Variants in MED13L observed in about 807,000 individuals in gnomAD.
MED13L encodes the protein mediator complex subunit 13L.
In MED13L, 7 loss-of-function variants were observed where a neutral mutation model predicts 220.9. That is an observed-to-expected ratio of 0.03 (90% CI 0.02 to 0.06). The LOEUF is 0.06. Ranked by LOEUF, MED13L falls within the 10% of genes least tolerant of loss-of-function variation. The pLI is 1.00. For missense variants in MED13L, 1,965 were observed against 2,760.5 expected (o/e 0.71, Z 6.46); for synonymous variants, 1,011 against 1,015.2 (o/e 1.00, Z 0.08).
intron 4 of MED13L, among the ~76,000 whole-genome samples, chr12:116,032,844 T>C (rs1037461154): frequency 6.6e-6 from 1 of 151,954 alleles, no homozygotes; most frequent in Non-Finnish European, 1.5e-5. Flanking sequence ...TTTCTATAGA[T>C]ACTGGAAACA....
intron 13 of MED13L, among the ~76,000 whole-genome samples, chr12:116,004,137 TCAGGCAGGC>T (rs1382923729): frequency 1.3e-5 from 2 of 152,142 alleles, no homozygotes; most frequent in African/African-American, 4.8e-5. Context: ...CATGAACAGA[TCAGGCAGGC>T]CACTCCAAAA....
chr12:115,983,033 G>A, intron 21 of MED13L, 84 bp downstream of exon 21: 2 of 1,422,250 alleles, frequency 1.4e-6, no homozygotes, highest in Non-Finnish European at 9.8e-7. Flanking sequence ...ACAGAATCAT[G>A]AGGTCAAGGG....
intron 4 of MED13L, among the ~76,000 whole-genome samples, chr12:116,065,921 A>G (rs567725609): frequency 1.2e-4 from 19 of 152,268 alleles, no homozygotes; most frequent in Non-Finnish European, 2.5e-4. Flanking sequence ...TAAAGAAAAC[A>G]GTACATCAGT....
chr12:116,127,268 TTTTG>T lies in MED13L; in HGVS notation c.311-15760_311-15757del, dbSNP rs546605907. On this transcript the variant is annotated intron_variant, in intron 2 of 30. Coordinates refer to ENST00000281928, the MANE Select transcript of MED13L (RefSeq NM_015335.5). The stretch of plus-strand genomic sequence containing the variant: ...AATAATTCATTTCTTTTGTATGAAA[TTTTG>T]TTTGTTATAACTCATAATTTAAAAA... Among the ~76,000 whole-genome samples the T allele has an allele frequency of 4.6e-4, 70 of 152,302 alleles. 1 individual carries two copies. The highest frequency in any genetic ancestry group is 3.4e-3 in the Middle Eastern group (1 of 294).
At chr12:115,970,928 G>A (rs779001197) in intron 26 of MED13L, among the ~76,000 whole-genome samples, 158 bp from the exon 27 acceptor site, 2 of 152,128 alleles carry the variant, frequency 1.3e-5, no homozygotes, top group Non-Finnish European at 2.9e-5. Flanking sequence ...CAAAGAAACT[G>A]ACTCAGAGCA....
At chr12:116,226,837 C>T (rs905594836) in intron 2 of MED13L, among the ~76,000 whole-genome samples, 4 of 150,266 alleles carry the variant, frequency 2.7e-5, no homozygotes, top group African/African-American at 7.3e-5. Context: ...CCACCATACT[C>T]CAGCCTGGGC....
At chr12:116,038,744 C>CAA (rs63703461) in intron 4 of MED13L, among the ~76,000 whole-genome samples, 3,297 of 75,190 alleles carry the variant, frequency 0.044, 413 homozygotes, top group African/African-American at 0.051. Flanking sequence ...GTCAAAAGGC[C>CAA]AAAAAAAAAA....
intron 4 of MED13L, among the ~76,000 whole-genome samples, chr12:116,034,441 A>G (rs1181113542): frequency 2.6e-5 from 4 of 152,198 alleles, no homozygotes; most frequent in Non-Finnish European, 4.4e-5. Flanking sequence ...GGCATACACC[A>G]GGAGATACAC....
chr12:116,070,871 A>G (rs1427969751), intron 4 of MED13L, among the ~76,000 whole-genome samples: 1 of 152,216 alleles, frequency 6.6e-6, no homozygotes, highest in East Asian at 1.9e-4. Flanking sequence ...TTTTCTCTTA[A>G]CATTGTTAAG....
intron 11 of MED13L, 185 bp downstream of exon 11, chr12:116,007,226 T>C: frequency 1.5e-6 from 1 of 651,626 alleles, no homozygotes; most frequent in Non-Finnish European, 2.7e-6. Flanking sequence ...TAAACAAAGG[T>C]GAGCCATGAC....
chr12:116,193,833 CAAGT>C (rs1211016047), intron 2 of MED13L, among the ~76,000 whole-genome samples: 1 of 152,162 alleles, frequency 6.6e-6, no homozygotes, highest in East Asian at 1.9e-4. Context: ...ATGTAACTCA[CAAGT>C]AAACCGATCA....
intron 1 of MED13L, among the ~76,000 whole-genome samples, chr12:116,275,158 C>T (rs556002041): frequency 6.6e-6 from 1 of 152,002 alleles, no homozygotes; most frequent in Non-Finnish European, 1.5e-5. Context: ...CTGTAAGTGT[C>T]AATGTGGTCA....
At chr12:116,250,896 GA>G (rs1871491174) in intron 1 of MED13L, among the ~76,000 whole-genome samples, 1 of 150,402 alleles carries the variant, frequency 6.6e-6, no homozygotes. Context: ...ATAGAAAGAA[GA>G]AAAAAAGTAT....
intron 3 of MED13L, among the ~76,000 whole-genome samples, chr12:116,097,976 G>A (rs1872747810): frequency 6.6e-6 from 1 of 152,222 alleles, no homozygotes; most frequent in Admixed American, 6.5e-5. Context: ...CTGGGTGGGT[G>A]GCTCATGCCG....
chr12:116,251,653 C>T (rs535822748), intron 1 of MED13L, among the ~76,000 whole-genome samples: 2 of 150,904 alleles, frequency 1.3e-5, no homozygotes, highest in African/African-American at 2.4e-5. Flanking sequence ...CCCAGCTACT[C>T]GGGAGGCTGA....
chr12:115,962,664 G>A (rs536957064), intron 30 of MED13L: 6 of 152,490 alleles, frequency 3.9e-5, no homozygotes, highest in African/African-American at 1.4e-4. Flanking sequence ...GATGAAGAAT[G>A]CCTGTGGCTT....
chr12:115,983,032 T>C, intron 21 of MED13L, 85 bp downstream of exon 21: 1 of 1,421,874 alleles, frequency 7.0e-7, no homozygotes, highest in Non-Finnish European at 9.8e-7. Flanking sequence ...CACAGAATCA[T>C]GAGGTCAAGG....
intron 1 of MED13L, among the ~76,000 whole-genome samples, chr12:116,247,738 TTCC>T (rs1267345231): frequency 6.6e-6 from 1 of 152,346 alleles, no homozygotes; most frequent in African/African-American, 2.4e-5. Flanking sequence ...CATAAATGTT[TTCC>T]TCAAGTGTCA....
At chr12:116,060,021 T>C (rs1394843776) in intron 4 of MED13L, among the ~76,000 whole-genome samples, 2 of 152,152 alleles carry the variant, frequency 1.3e-5, no homozygotes, top group African/African-American at 4.8e-5. Context: ...TTTTCTACAC[T>C]GCAGGGCAAA....
Sources: allele counts gnomAD v4.1 joint callset (sites outside exome capture counted in the v4.1 genomes callset), GRCh38; gene constraint gnomAD v4.1.1; transcripts MANE v1.5; gene names NCBI Gene and HGNC (gene_info 2026-07-23, HGNC 2026-07-21).